SH3GL3: variants seen among roughly 807,000 people sequenced by gnomAD.
SH3GL3 encodes the protein SH3 domain containing GRB2 like 3, endophilin A3.
In SH3GL3, 33 loss-of-function variants were observed where a neutral mutation model predicts 47.7. That is an observed-to-expected ratio of 0.69 (90% CI 0.52 to 0.92). The LOEUF is 0.92. SH3GL3 is among the 40% of genes least tolerant of loss of function. The pLI, the probability that SH3GL3 is intolerant of heterozygous loss-of-function variation, is 0.00. For missense variants in SH3GL3, 363 were observed against 417.8 expected, an observed-to-expected ratio of 0.87 and a Z score of 1.14; for synonymous variants, 155 against 148.8, an observed-to-expected ratio of 1.04 and a Z score of -0.30.
chr15:83,554,842 G>C (rs1231687543), intron 1 of SH3GL3, among the ~76,000 whole-genome samples: 1 of 152,112 alleles, frequency 6.6e-6, no homozygotes, highest in Non-Finnish European at 1.5e-5. Flanking sequence ...GTTTTGCTGC[G>C]TCTGGGTGTG....
At chr15:83,564,150 C>T (rs1186106265) in intron 2 of SH3GL3, among the ~76,000 whole-genome samples, 5 of 151,846 alleles carry the variant, frequency 3.3e-5, no homozygotes, top group Non-Finnish European at 7.4e-5. Flanking sequence ...GTATGTTAGT[C>T]GTTTTATAGT....
chr15:83,555,279 TTATC>T (rs1329982170), intron 1 of SH3GL3, among the ~76,000 whole-genome samples: 2 of 152,328 alleles, frequency 1.3e-5, no homozygotes, highest in East Asian at 1.9e-4. Flanking sequence ...AGTTATTCCT[TTATC>T]TATCATTTTA....
chr15:83,469,383 C>T (rs953071258), intron 1 of SH3GL3, among the ~76,000 whole-genome samples: 2 of 151,996 alleles, frequency 1.3e-5, no homozygotes, highest in African/African-American at 4.8e-5. Flanking sequence ...TGCATATTTT[C>T]CTTCCACACC....
chr15:83,559,212 A>G (rs761557518), intron 1 of SH3GL3, 41 bp from the exon 2 acceptor site: 1 of 1,127,756 alleles, frequency 8.9e-7, no homozygotes, highest in South Asian at 1.3e-5. Flanking sequence ...CTGTGACAAG[A>G]AATCATTGTA....
chr15:83,616,584 A>G (rs1175340193), intron 8 of SH3GL3, among the ~76,000 whole-genome samples: 1 of 152,174 alleles, frequency 6.6e-6, no homozygotes, highest in Non-Finnish European at 1.5e-5. Flanking sequence ...AAATAAATTG[A>G]CACTAAATGT....
At chr15:83,457,300 C>G (rs1387354571) in intron 1 of SH3GL3, among the ~76,000 whole-genome samples, 2 of 152,204 alleles carry the variant, frequency 1.3e-5, no homozygotes, top group African/African-American at 4.8e-5. Flanking sequence ...CACTTGTGGG[C>G]TCCATGTTAA....
At chr15:83,509,091 A>G (rs2042638752) in intron 1 of SH3GL3, among the ~76,000 whole-genome samples, 1 of 152,228 alleles carries the variant, frequency 6.6e-6, no homozygotes, top group Non-Finnish European at 1.5e-5. Flanking sequence ...GAAACTACAC[A>G]TTTAAAAAAT....
At chr15:83,492,206 C>T (rs909107744) in intron 1 of SH3GL3, among the ~76,000 whole-genome samples, 25 of 149,816 alleles carry the variant, frequency 1.7e-4, no homozygotes, top group African/African-American at 6.2e-4. Flanking sequence ...TTGCTTGAAC[C>T]TGGGAATCGG....
At chr15:83,609,531 A>T in intron 8 of SH3GL3, 2 of 328,474 alleles carry the variant, frequency 6.1e-6, no homozygotes, top group South Asian at 4.8e-5. Context: ...ACAGCGTTGT[A>T]TGAATTACTT....
the SH3GL3 span, among the ~76,000 whole-genome samples, chr15:83,625,785 T>A: frequency 6.6e-6 from 1 of 152,238 alleles, no homozygotes; most frequent in Non-Finnish European, 1.5e-5. Flanking sequence ...TTTTCTTAAA[T>A]TTTAAACTTA....
At chr15:83,572,252 C>T (rs2045856671) in intron 4 of SH3GL3, among the ~76,000 whole-genome samples, 1 of 152,322 alleles carries the variant, frequency 6.6e-6, no homozygotes. Context: ...CCCTCCGTGC[C>T]AGTTTCCCAA....
At chr15:83,484,863 A>C (rs752492959) in intron 1 of SH3GL3, among the ~76,000 whole-genome samples, 2 of 152,218 alleles carry the variant, frequency 1.3e-5, no homozygotes, top group African/African-American at 2.4e-5. Flanking sequence ...GAGACTTTGC[A>C]TATTTAAAAC....
chr15:83,491,355 A>G (rs868329825), intron 1 of SH3GL3, among the ~76,000 whole-genome samples: 2 of 152,256 alleles, frequency 1.3e-5, no homozygotes, highest in African/African-American at 4.8e-5. Context: ...GAAATACTTC[A>G]TTGGACTGAA....
chr15:83,449,775 C>T (rs536130128), intron 1 of SH3GL3, among the ~76,000 whole-genome samples: 11 of 149,500 alleles, frequency 7.4e-5, no homozygotes, highest in African/African-American at 2.2e-4. Flanking sequence ...AAAGGAGAGG[C>T]ATCACAGATT....
At chr15:83,621,967 C>T (rs534018409), downstream of SH3GL3, among the ~76,000 whole-genome samples, 12 of 146,884 alleles carry the variant, frequency 8.2e-5, no homozygotes, top group South Asian at 2.0e-3. Flanking sequence ...TATGTTTTCC[C>T]TCCAGCCAGC....
At chr15:83,467,975 C>A (rs2040646957) in intron 1 of SH3GL3, among the ~76,000 whole-genome samples, 1 of 152,024 alleles carries the variant, frequency 6.6e-6, no homozygotes, top group South Asian at 2.1e-4. Flanking sequence ...CTACAGGTGC[C>A]CGCCACCACG....
chr15:83,576,456 G>T, intron 5 of SH3GL3, 127 bp from the exon 6 acceptor site: 2 of 755,234 alleles, frequency 2.6e-6, no homozygotes, highest in East Asian at 2.7e-5. Flanking sequence ...CAACAGCAGT[G>T]TAAGGTGGGT....
At chr15:83,569,322 ATAAT>A (rs1310351909) in intron 4 of SH3GL3, among the ~76,000 whole-genome samples, 7 of 152,330 alleles carry the variant, frequency 4.6e-5, no homozygotes, top group African/African-American at 1.7e-4. Flanking sequence ...ATATCGTAAA[ATAAT>A]TAATCTTCCA....
At chr15:83,627,073 A>G in the SH3GL3 span, among the ~76,000 whole-genome samples, 10 of 152,252 alleles carry the variant, frequency 6.6e-5, no homozygotes, top group East Asian at 1.9e-3. Flanking sequence ...AGCTTTACCT[A>G]TAGAAATGTG....
Sources: gnomAD v4.1 joint callset for allele counts (sites outside exome capture counted in the v4.1 genomes callset) on GRCh38, gnomAD v4.1.1 for gene constraint, MANE v1.5 for transcripts, NCBI Gene and HGNC (gene_info 2026-07-23, HGNC 2026-07-21) for gene names.